Variants in FLYWCH1 observed in about 807,000 individuals in gnomAD.
FLYWCH1 encodes FLYWCH-type zinc finger 1, also known as FLYWCH-type zinc finger-containing protein 1.
Under a neutral mutation model 66.4 loss-of-function variants are expected in FLYWCH1, and 75 were observed. The ratio of observed to expected loss-of-function variants is 1.13; its 90% confidence interval spans 0.94 to 1.37. The LOEUF is 1.37. FLYWCH1 is among the 40% of genes most tolerant of loss of function. The pLI is 0.00. For missense variants in FLYWCH1, 1,334 were observed against 1,001.8 expected (o/e 1.33, Z -4.48); for synonymous variants, 595 against 429.9 (o/e 1.38, Z -4.75).
rs777599251 is a variant in FLYWCH1 at position 2,933,927 on chromosome 16, G to A, written c.1461G>A (p.Glu487=). 4.3e-5 allele frequency: 67 copies of A among 1,569,332 alleles called. No homozygotes were observed. Among genetic ancestry groups the A allele is most frequent in the African/African-American group, 2.7e-5 (2 of 73,996 alleles). Reference sequence around the variant, plus strand: ...ACCCGCCCGACCTGGGAGGCCTGGAGGCCCTGAGGCAGCGGGAGAAACGCC... The same window carrying A: ...ACCCGCCCGACCTGGGAGGCCTGGAAGCCCTGAGGCAGCGGGAGAAACGCC... ...HCHPPDLGGL[E]ALRQREKRPN... Residue 487 remains glutamate (E), a synonymous_variant, in exon 6 of 10, where the codon GAG becomes GAA. Transcript: ENST00000253928.
At chr16:2,912,536 T>G (rs1288948338) in intron 1 of FLYWCH1, among the ~76,000 whole-genome samples, 1 of 152,252 alleles carries the variant, frequency 6.6e-6, no homozygotes. Context: ...CTCCCGCTTC[T>G]GACCCTATAG....
rs1219908075 is a variant in FLYWCH1, at chr16:2,933,076, C to T, written c.797-54C>T. 23 of 1,513,046 alleles carry T rather than the reference C, an allele frequency of 1.5e-5. No homozygotes were observed. The Middle Eastern group carries it at 7.0e-4, about 46-fold the overall frequency. 93.7% of individuals were successfully genotyped at this position (1,513,046 alleles called of 1,614,324 possible). On this transcript the variant is annotated intron_variant, in intron 4 of 9. Coordinates refer to ENST00000253928, the MANE Select transcript of FLYWCH1 (RefSeq NM_001308068.2). ...CCCCCACAGTCTGCAGGGGCTGTCC[C>T]TCCTGGGCTCCTCTCCACCCCTGGT...
At chr16:2,935,748 T>A (rs896279566) in intron 6 of FLYWCH1, 2 of 152,092 alleles carry the variant, frequency 1.3e-5, no homozygotes, top group East Asian at 1.9e-4. Context: ...TTTTAGGGTC[T>A]TTGCTCCCTC....
Position 2,938,111 on chromosome 16 carries a change from G to A in FLYWCH1, c.1778-73G>A, listed in dbSNP as rs1425917455. ...GATTCCTGGTGGGGCCTGGCTGGGG[G>A]ATACAAATCAGACCCCCAGCCCTGC... is the stretch of plus-strand genomic sequence containing the variant. On this transcript the variant is annotated intron_variant, in intron 7 of 9. Coordinates refer to ENST00000253928, the MANE Select transcript of FLYWCH1 (RefSeq NM_001308068.2). 4.1e-6 allele frequency: 6 copies of A among 1,451,044 alleles called. No individual in the cohort carries two copies. The East Asian group carries it at 9.6e-5, about 23-fold the overall frequency. 89.9% of individuals were successfully genotyped at this position (1,451,044 alleles called of 1,614,324 possible).
At chr16:2,928,978 C>G (rs2070665748) in intron 2 of FLYWCH1, 1 of 152,444 alleles carries the variant, frequency 6.6e-6, no homozygotes, top group Admixed American at 6.5e-5. Flanking sequence ...GGCCTCCAGG[C>G]TAGGATAGGG....
rs372969188 is a variant in FLYWCH1 at position 2,933,247 on chromosome 16, G to A, written c.914G>A (p.Arg305Gln). The A allele has an allele frequency of 7.6e-5, 123 of 1,613,532 alleles. 1 individual carries two copies. The highest frequency in any genetic ancestry group is 6.2e-4 in the East Asian group (28 of 44,810). The change falls in exon 5 of 10, where the codon CGG (arginine) becomes CAG (glutamine). Residue 305 changes from arginine to glutamine, a missense_variant. Transcript: ENST00000253928. ...AVGDKVYWTC[R>Q]DHALHGCRSR... is the part of the protein sequence containing the mutation. ...GGGGACAAGGTGTATTGGACCTGCC[G>A]GGACCACGCGCTGCACGGCTGCCGG...
At chr16:2,938,812 C>A (rs976128038) in intron 8 of FLYWCH1, among the ~76,000 whole-genome samples, 1 of 151,480 alleles carries the variant, frequency 6.6e-6, no homozygotes, top group Non-Finnish European at 1.5e-5. Flanking sequence ...CGGGGTTTCA[C>A]CATGTTAGCC....
At chr16:2,932,574 G>A (rs555258048) in intron 4 of FLYWCH1, among the ~76,000 whole-genome samples, 1 of 152,314 alleles carries the variant, frequency 6.6e-6, no homozygotes, top group Non-Finnish European at 1.5e-5. Context: ...AGGATCTGAG[G>A]TGGCCCCTGC....
In FLYWCH1 at chr16:2,938,398, C is replaced by A. The variant is rs779973367; in HGVS notation, c.1992C>A (p.Gly664=). 5 of 1,552,248 alleles carry A rather than the reference C, an allele frequency of 3.2e-6. No homozygotes were observed. The South Asian group carries it at 6.1e-5, about 19-fold the overall frequency. Residue 664 remains glycine, a synonymous_variant, in exon 8 of 10, where the codon GGC becomes GGA. Coordinates refer to ENST00000253928, the MANE Select transcript of FLYWCH1 (RefSeq NM_001308068.2). ...RSHCHQPDLA[G]LEALRQRERL... ...ACTGCCATCAGCCTGACCTGGCAGG[C>A]CTGGAGGCCTTGAGGCAACGGGAGC...
chr16:2,929,435 A>T (rs1596369764), intron 2 of FLYWCH1, among the ~76,000 whole-genome samples, 178 bp from the exon 3 acceptor site: 1 of 152,054 alleles, frequency 6.6e-6, no homozygotes, highest in Non-Finnish European at 1.5e-5. Flanking sequence ...GGGCTGACGT[A>T]CCTAAGGCTG....
Position 2,916,118 on chromosome 16 carries a change from G to A in FLYWCH1, c.-74+1829G>A, listed in dbSNP as rs1461487782. Reference sequence around the variant, plus strand: ...TCCCAGCATTTTGGGAGGCAAAGACGGGCTGATCACTTGAGGTCAGAAGTT... The same window carrying A: ...TCCCAGCATTTTGGGAGGCAAAGACAGGCTGATCACTTGAGGTCAGAAGTT... On this transcript the variant is annotated intron_variant, in intron 2 of 9. Transcript: ENST00000253928. 3.3e-5 allele frequency among the ~76,000 whole-genome samples: 5 copies of A among 151,768 alleles called. No individual in the cohort carries two copies. In the East Asian group the frequency reaches 9.6e-4, roughly 29 times the overall value.
At chr16:2,930,043 C>T in intron 3 of FLYWCH1, 33 bp downstream of exon 3, 1 of 1,573,540 alleles carries the variant, frequency 6.4e-7, no homozygotes, top group Non-Finnish European at 8.7e-7. Flanking sequence ...TGCCCAGCCA[C>T]CCCGTGGGTT....
Position 2,938,189 on chromosome 16 carries a change from C to T in FLYWCH1, c.1783C>T (p.Leu595Phe). Residue 595 changes from leucine (L) to phenylalanine (F), a missense_variant, in exon 8 of 10, where the codon CTC (leucine) becomes TTC (phenylalanine). Physicochemically the swap from Leu to Phe is conservative, Grantham distance 22. Transcript: ENST00000253928. ...NLAQWDSPDP[L>F]RPLEFLRTSL... ...AGTGTCACTTTCCCTTTCAGATCCTCTCCGGCCCCTGGAGTTCCTGAGGAC... is the reference window on the plus strand; with the variant it reads ...AGTGTCACTTTCCCTTTCAGATCCTTTCCGGCCCCTGGAGTTCCTGAGGAC... 1 of 1,612,114 alleles carries T rather than the reference C, an allele frequency of 6.2e-7. No homozygotes were observed. The highest frequency in any genetic ancestry group is 8.5e-7 in the Non-Finnish European group (1 of 1,179,406).
chr16:2,936,931 CAGG>C (rs2071029474), intron 6 of FLYWCH1, 187 bp from the exon 7 acceptor site: 4 of 764,502 alleles, frequency 5.2e-6, no homozygotes, highest in Admixed American at 2.6e-5. Context: ...TCCCCAGCCT[CAGG>C]AGGCGGACCC....
At chr16:2,927,634 G>A (rs1297559728) in intron 2 of FLYWCH1, among the ~76,000 whole-genome samples, 1 of 152,306 alleles carries the variant, frequency 6.6e-6, no homozygotes, top group Middle Eastern at 3.4e-3. Context: ...TATAATTGTG[G>A]CCAAATTGGT....
intron 2 of FLYWCH1, among the ~76,000 whole-genome samples, chr16:2,919,266 GTTTC>G (rs1223567794): frequency 1.4e-5 from 2 of 144,584 alleles, no homozygotes; most frequent in East Asian, 4.1e-4. Context: ...TTAATTTTTT[GTTTC>G]TTTTTTTTTT....
intron 3 of FLYWCH1, 63 bp from the exon 4 acceptor site, chr16:2,930,347 C>G (rs1290850750): frequency 8.4e-6 from 9 of 1,072,776 alleles, no homozygotes; most frequent in Admixed American, 3.1e-5. Context: ...CTCCCTGGCT[C>G]TCTGTGCCTG....
intron 5 of FLYWCH1, 53 bp downstream of exon 5, chr16:2,933,635 G>A: frequency 6.4e-7 from 1 of 1,558,792 alleles, no homozygotes. Flanking sequence ...CTTGCCTCCA[G>A]AGGTCCAGGG....
Position 2,940,050 on chromosome 16 carries a change from T to C in FLYWCH1, c.2069T>C (p.Leu690Pro), listed in dbSNP as rs2150998590. ...TCCACAGAAAAGATTCAAGTTCAGC[T>C]GTGCTTCAAGACGTGTTCTCCTGAA... Reference protein sequence around the residue: ...QEDPEKIQVQLCFKTCSPESQ... With the variant: ...QEDPEKIQVQPCFKTCSPESQ... The change falls in exon 9 of 10, where the codon CTG becomes CCG. Residue 690 changes from leucine to proline, a missense_variant. Transcript: ENST00000253928. The C allele has an allele frequency of 1.3e-6, 2 of 1,587,116 alleles. No individual in the cohort carries two copies. The highest frequency in any genetic ancestry group is 2.2e-5 in the South Asian group (2 of 90,090).
Sources: allele counts gnomAD v4.1 joint callset (sites outside exome capture counted in the v4.1 genomes callset), GRCh38; gene constraint gnomAD v4.1.1; transcripts MANE v1.5; gene names NCBI Gene and HGNC (gene_info 2026-07-23, HGNC 2026-07-21).